ASTN1: variants seen among roughly 807,000 people sequenced by gnomAD.
ASTN1 encodes astrotactin-1.
ASTN1 carries 41 observed loss-of-function variants against 140.7 expected under a neutral mutation model. The ratio of observed to expected loss-of-function variants is 0.29; its 90% CI spans 0.23 to 0.38. ASTN1 has a LOEUF of 0.38. Ranked by LOEUF, ASTN1 falls within the 10% of genes least tolerant of loss-of-function variation. The probability of loss-of-function intolerance (pLI) is 1.00; values close to 1 mark genes in which losing one functional copy is unlikely to be tolerated. For synonymous variants in ASTN1, 640 were observed against 652.2 expected, an observed-to-expected ratio of 0.98 and a Z score of 0.29; for missense variants, 1,479 against 1,678.8, an observed-to-expected ratio of 0.88 and a Z score of 2.08.
intron 1 of ASTN1, among the ~76,000 whole-genome samples, chr1:177,119,507 T>G (rs1681269379): frequency 6.6e-6 from 1 of 151,944 alleles, no homozygotes; most frequent in South Asian, 2.1e-4. Context: ...AGGTTCTGGA[T>G]GGAGGAGGCT....
intron 2 of ASTN1, among the ~76,000 whole-genome samples, chr1:177,059,680 G>C (rs1677987664): frequency 6.6e-6 from 1 of 152,148 alleles, no homozygotes; most frequent in African/African-American, 2.4e-5. Context: ...CTTACATTTT[G>C]AGATTTTATC....
At chr1:177,130,807 G>T (rs1219634372) in intron 1 of ASTN1, among the ~76,000 whole-genome samples, 2 of 152,216 alleles carry the variant, frequency 1.3e-5, no homozygotes, top group African/African-American at 4.8e-5. Flanking sequence ...TTGACACTAA[G>T]TGGTGGAGGC....
chr1:177,105,093 G>A (rs984733674), intron 1 of ASTN1, among the ~76,000 whole-genome samples: 11 of 152,164 alleles, frequency 7.2e-5, no homozygotes, highest in Non-Finnish European at 1.6e-4. Context: ...TGAACAGTGA[G>A]TCGCTTAGGA....
chr1:176,947,615 C>T (rs1000118490), intron 12 of ASTN1, among the ~76,000 whole-genome samples: 7 of 152,144 alleles, frequency 4.6e-5, no homozygotes, highest in African/African-American at 1.2e-4. Context: ...TCCATGACAC[C>T]AGCTTAGGTC....
chr1:177,028,547 A>G (rs1676252087), intron 5 of ASTN1, among the ~76,000 whole-genome samples: 2 of 152,216 alleles, frequency 1.3e-5, no homozygotes, highest in Non-Finnish European at 2.9e-5. Flanking sequence ...ATAAAAATGT[A>G]TATGTCTTTC....
chr1:177,088,983 G>A (rs562183750), intron 1 of ASTN1, among the ~76,000 whole-genome samples: 2 of 152,104 alleles, frequency 1.3e-5, no homozygotes, highest in African/African-American at 4.8e-5. Context: ...GGCAGGGAAA[G>A]TCATATCCCT....
At chr1:177,023,595 A>G in intron 6 of ASTN1, 24 bp from the exon 7 acceptor site, 1 of 1,553,412 alleles carries the variant, frequency 6.4e-7, no homozygotes. Flanking sequence ...GAAAGGAAGC[A>G]TGCCTATATG....
At chr1:177,120,889 G>A (rs1681349225) in intron 1 of ASTN1, among the ~76,000 whole-genome samples, 1 of 152,166 alleles carries the variant, frequency 6.6e-6, no homozygotes, top group Admixed American at 6.6e-5. Context: ...TGGACTTAGA[G>A]ATCTAATACG....
At chr1:177,086,401 C>G (rs1679471344) in intron 1 of ASTN1, among the ~76,000 whole-genome samples, 1 of 152,032 alleles carries the variant, frequency 6.6e-6, no homozygotes, top group African/African-American at 2.4e-5. Flanking sequence ...AACAAATAAA[C>G]CAAACAACAT....
intron 16 of ASTN1, among the ~76,000 whole-genome samples, chr1:176,901,885 A>T (rs1669781781): frequency 6.6e-6 from 1 of 152,234 alleles, no homozygotes; most frequent in Non-Finnish European, 1.5e-5. Context: ...ATGAATTTGC[A>T]CAAGTTGAAA....
chr1:176,884,158 C>T (rs1668927478), intron 19 of ASTN1, among the ~76,000 whole-genome samples, 181 bp downstream of exon 19: 1 of 152,200 alleles, frequency 6.6e-6, no homozygotes. Context: ...GACAAGATGG[C>T]TGCTGCTTGG....
intron 8 of ASTN1, among the ~76,000 whole-genome samples, chr1:176,996,871 G>A (rs138778481): frequency 6.6e-6 from 1 of 152,244 alleles, no homozygotes; most frequent in Admixed American, 6.5e-5. Context: ...ACCCTCCCCT[G>A]CCCCATGGAA....
intron 1 of ASTN1, among the ~76,000 whole-genome samples, chr1:177,063,798 A>G (rs1406738892): frequency 1.3e-5 from 2 of 152,144 alleles, no homozygotes; most frequent in African/African-American, 2.4e-5. Context: ...CCCTGGACAT[A>G]AAAATCACAA....
At chr1:176,910,023 G>T (rs910443014) in intron 16 of ASTN1, among the ~76,000 whole-genome samples, 3 of 152,164 alleles carry the variant, frequency 2.0e-5, no homozygotes, top group Non-Finnish European at 4.4e-5. Context: ...GCCTCTGCAT[G>T]TATGTTTGTG....
chr1:176,988,561 T>C (rs1257293434), intron 8 of ASTN1, among the ~76,000 whole-genome samples: 1 of 152,170 alleles, frequency 6.6e-6, no homozygotes, highest in African/African-American at 2.4e-5. Flanking sequence ...CAAACATAAA[T>C]GTGTTTGAGA....
At chr1:176,923,847 A>G (rs1338087852) in intron 16 of ASTN1, among the ~76,000 whole-genome samples, 1 of 152,318 alleles carries the variant, frequency 6.6e-6, no homozygotes, top group Non-Finnish European at 1.5e-5. Context: ...GAAAACTCCA[A>G]TGATGTCAAG....
chr1:176,928,283 A>G (rs1305442961), intron 16 of ASTN1, among the ~76,000 whole-genome samples: 2 of 152,206 alleles, frequency 1.3e-5, no homozygotes, highest in Non-Finnish European at 2.9e-5. Context: ...GGAGTGGAAC[A>G]GGATTACTGG....
At chr1:177,038,339 A>G (rs923270218) in intron 2 of ASTN1, among the ~76,000 whole-genome samples, 1 of 152,208 alleles carries the variant, frequency 6.6e-6, no homozygotes, top group African/African-American at 2.4e-5. Context: ...TATAGGGGGC[A>G]GGGGCCATGG....
At chr1:176,897,317 GC>G (rs1197864565) in intron 16 of ASTN1, among the ~76,000 whole-genome samples, 4 of 146,702 alleles carry the variant, frequency 2.7e-5, no homozygotes, top group African/African-American at 1.0e-4. Flanking sequence ...TAAAATCCCG[GC>G]CCCCCCACCA....
Sources: gnomAD v4.1 joint callset for allele counts (sites outside exome capture counted in the v4.1 genomes callset) on GRCh38, gnomAD v4.1.1 for gene constraint, MANE v1.5 for transcripts, NCBI Gene and HGNC (gene_info 2026-07-23, HGNC 2026-07-21) for gene names.